Variants in NAALADL2 observed in about 807,000 individuals in gnomAD.
The protein encoded by NAALADL2 is inactive N-acetylated-alpha-linked acidic dipeptidase-like protein 2.
Under a neutral mutation model 87.2 loss-of-function variants are expected in NAALADL2, and 76 were observed. The ratio of observed to expected loss-of-function variants is 0.87; its 90% CI spans 0.72 to 1.05. The LOEUF is 1.05. NAALADL2 is among the 50% of genes least tolerant of loss of function. The pLI is 0.00. For synonymous variants in NAALADL2, 354 were observed against 331.0 expected (o/e 1.07, Z -0.75); for missense variants, 1,089 against 945.8 (o/e 1.15, Z -1.99).
chr3:174,560,725 G>A (rs1340178665), intron 2 of NAALADL2, among the ~76,000 whole-genome samples: 1 of 151,970 alleles, frequency 6.6e-6, no homozygotes, highest in African/African-American at 2.4e-5. Flanking sequence ...GAACTTTACC[G>A]TGTGCCTTTT....
At chr3:175,148,091 GATAATAATAATA>G (rs777779002) in intron 2 of NAALADL2, among the ~76,000 whole-genome samples, 1 of 110,748 alleles carries the variant, frequency 9.0e-6, no homozygotes. Context: ...TAATGATAAT[GATAATAATAATA>G]ATAATAATAA....
At position 175,737,310 on chromosome 3, in the gene NAALADL2, CAGG is replaced by C. The variant is rs1330733468; in HGVS notation, c.1904_1906del (p.Gly635del). 7.5e-6 allele frequency: 12 copies of C among 1,595,298 alleles called. No homozygotes were observed. The highest frequency in any genetic ancestry group is 4.4e-5 in the South Asian group (4 of 90,646). On this transcript the variant is annotated inframe_deletion, in exon 12 of 14. Coordinates refer to ENST00000454872, the MANE Select transcript of NAALADL2 (RefSeq NM_207015.3). Reference sequence around the variant, plus strand: ...CTTTTTCCTTTTTTCTTTCAGCTCTCAGGAGAAGTGATTTTGCAAATTGCCAAC... The same window carrying C: ...CTTTTTCCTTTTTTCTTTCAGCTCTCAGAAGTGATTTTGCAAATTGCCAAC...
intron 9 of NAALADL2, among the ~76,000 whole-genome samples, chr3:175,549,907 AT>A (rs1714055733): frequency 6.6e-6 from 1 of 152,082 alleles, no homozygotes; most frequent in Non-Finnish European, 1.5e-5. Context: ...TTTGATTTTA[AT>A]ATTTTAGTTT....
chr3:174,787,300 C>T (rs1416038450), intron 3 of NAALADL2, among the ~76,000 whole-genome samples: 2 of 151,444 alleles, frequency 1.3e-5, no homozygotes, highest in Non-Finnish European at 2.9e-5. Flanking sequence ...CCCAAGACTG[C>T]ATAAATGCAT....
At chr3:174,962,109 T>A (rs1465048151) in intron 1 of NAALADL2, among the ~76,000 whole-genome samples, 1 of 151,814 alleles carries the variant, frequency 6.6e-6, no homozygotes, top group Non-Finnish European at 1.5e-5. Flanking sequence ...AGCCATGTCA[T>A]GAGTAGCCCT....
chr3:174,900,272 G>C (rs1398521969), intron 1 of NAALADL2, among the ~76,000 whole-genome samples: 1 of 151,994 alleles, frequency 6.6e-6, no homozygotes, highest in Non-Finnish European at 1.5e-5. Flanking sequence ...AGATATACTA[G>C]ACATGCAATC....
chr3:174,595,446 T>C (rs112749890), intron 2 of NAALADL2, among the ~76,000 whole-genome samples: 6 of 152,332 alleles, frequency 3.9e-5, no homozygotes, highest in African/African-American at 1.4e-4. Context: ...TCAGTCTGTA[T>C]GCTTTGTATT....
intron 5 of NAALADL2, among the ~76,000 whole-genome samples, chr3:175,388,026 C>G (rs935979702): frequency 6.6e-6 from 1 of 152,028 alleles, no homozygotes; most frequent in Non-Finnish European, 1.5e-5. Flanking sequence ...CCACCATTCT[C>G]GGTAACTATC....
At chr3:175,133,483 G>C (rs1160131858) in intron 2 of NAALADL2, among the ~76,000 whole-genome samples, 2 of 152,250 alleles carry the variant, frequency 1.3e-5, no homozygotes, top group Non-Finnish European at 2.9e-5. Flanking sequence ...ACCTTGGGAT[G>C]CCGAGGCTGG....
At chr3:175,584,906 A>G (rs915034886) in intron 10 of NAALADL2, among the ~76,000 whole-genome samples, 3 of 152,162 alleles carry the variant, frequency 2.0e-5, no homozygotes, top group Non-Finnish European at 4.4e-5. Context: ...ATTTCTGTGC[A>G]CTATTAAAGA....
intron 2 of NAALADL2, among the ~76,000 whole-genome samples, chr3:174,611,657 T>A (rs577205522): frequency 2.7e-4 from 41 of 151,966 alleles, no homozygotes; most frequent in Admixed American, 2.7e-3. Context: ...AGTGGTGTGA[T>A]CTCGGCTCGC....
intron 2 of NAALADL2, among the ~76,000 whole-genome samples, chr3:175,229,359 C>CAACTG: frequency 6.6e-6 from 1 of 151,956 alleles, no homozygotes; most frequent in Middle Eastern, 3.4e-3. Flanking sequence ...CTTTATAGGA[C>CAACTG]AACTGAATAG....
At chr3:174,560,337 C>T (rs1713434849) in intron 2 of NAALADL2, among the ~76,000 whole-genome samples, 1 of 152,164 alleles carries the variant, frequency 6.6e-6, no homozygotes, top group Non-Finnish European at 1.5e-5. Context: ...AGGGCAAGTA[C>T]TTAATTCCCA....
At position 175,803,077 on chromosome 3, in the gene NAALADL2, A is replaced by AC; in HGVS notation, c.2266dup (p.Leu756ProfsTer5). 1 of 1,612,350 alleles carries AC rather than the reference A, an allele frequency of 6.2e-7. No homozygotes were observed. Among genetic ancestry groups the AC allele is most frequent in the Non-Finnish European group, 8.5e-7 (1 of 1,178,942 alleles). ...TTATAGAGGCTTGGGAACACTGCAA[A>AC]CCCCTTGCATCAAATGAGACCCTTC... On this transcript the variant is annotated frameshift_variant, in exon 14 of 14. Coordinates refer to ENST00000454872, the MANE Select transcript of NAALADL2 (RefSeq NM_207015.3). LOFTEE classifies it high-confidence loss of function.
chr3:174,861,852 C>T (rs1579247341), intron 1 of NAALADL2, among the ~76,000 whole-genome samples: 1 of 151,920 alleles, frequency 6.6e-6, no homozygotes, highest in Non-Finnish European at 1.5e-5. Flanking sequence ...GTTAGTGGAG[C>T]CCATATGCCA....
chr3:175,700,977 G>T (rs1346153110), intron 11 of NAALADL2, among the ~76,000 whole-genome samples: 1 of 152,002 alleles, frequency 6.6e-6, no homozygotes, highest in Non-Finnish European at 1.5e-5. Flanking sequence ...ATGGTACTAT[G>T]GAGATAAATG....
At chr3:175,082,584 C>A (rs1437297601) in intron 1 of NAALADL2, among the ~76,000 whole-genome samples, 3 of 152,122 alleles carry the variant, frequency 2.0e-5, no homozygotes, top group Non-Finnish European at 4.4e-5. Flanking sequence ...TTTTTAAGAA[C>A]AGGAGATTTA....
At chr3:174,736,129 C>A (rs754118541) in intron 2 of NAALADL2, among the ~76,000 whole-genome samples, 57 of 152,116 alleles carry the variant, frequency 3.7e-4, no homozygotes, top group Non-Finnish European at 5.9e-4. Context: ...ATACCAGGAA[C>A]CTCAGAGCCC....
chr3:174,716,234 G>A lies in NAALADL2; in HGVS notation c.-114-21407G>A, dbSNP rs1372523495. Among the ~76,000 whole-genome samples the A allele has an allele frequency of 2.0e-5, 3 of 152,142 alleles. No individual in the cohort carries two copies. In the South Asian group the frequency reaches 6.2e-4, roughly 31 times the overall value. ...AGAAACACTATCCATTGACAGGTAA[G>A]TCAGAAAGGCATACCTGTTTGACCA... On this transcript the variant is annotated intron_variant, in intron 2 of 3. Coordinates refer to the NAALADL2 transcript ENST00000434257.
Sources: gnomAD v4.1 joint callset for allele counts (sites outside exome capture counted in the v4.1 genomes callset) on GRCh38, gnomAD v4.1.1 for gene constraint, MANE v1.5 for transcripts, NCBI Gene and HGNC (gene_info 2026-07-23, HGNC 2026-07-21) for gene names.